The following PGAP1 variants were observed in gnomAD, a reference collection of about 807,000 sequenced individuals.
PGAP1 encodes the protein post-GPI attachment to proteins inositol deacylase 1.
A neutral mutation model predicts 127.0 loss-of-function variants in PGAP1; 76 were observed. That is an observed-to-expected ratio of 0.60 (90% confidence interval 0.50 to 0.72). The LOEUF is 0.72. Among genes scored for constraint, PGAP1 ranks in the 30% least tolerant of loss-of-function variants. PGAP1 has a pLI of 0.00. For missense variants in PGAP1, 982 were observed against 1,071.3 expected (o/e 0.92, Z 1.16); for synonymous variants, 362 against 366.5 (o/e 0.99, Z 0.14).
rs1471747940 is a variant in PGAP1, at chr2:196,834,688, CCACTGCACAGTGGAGGAAGGGAAG to C, written c.*6522_*6545del. ...ACAGTATAAATCGGGAGTTTTTTTT[CCACTGCACAGTGGAGGAAGGGAAG>C]GTTATTTCTACCAGTATTCCAACAA... On this transcript the variant is annotated 3_prime_UTR_variant, in exon 27 of 27. Coordinates refer to ENST00000354764, the MANE Select transcript of PGAP1 (RefSeq NM_024989.4). 1 of 151,140 alleles carries C rather than the reference CCACTGCACAGTGGAGGAAGGGAAG, an allele frequency of 6.6e-6. No individual in the cohort carries two copies. The highest frequency in any genetic ancestry group is 2.4e-5 in the African/African-American group (1 of 41,154). The allele number at this position is 151,140 out of a possible 1,614,324, so 9.4% of individuals were successfully genotyped here. A position where few individuals can be genotyped will look rare whatever the true frequency, so the allele number is the denominator to read the frequency against.
intron 19 of PGAP1, among the ~76,000 whole-genome samples, chr2:196,868,719 T>C (rs146765415): frequency 0.011 from 1,667 of 152,326 alleles, 11 homozygotes; most frequent in Middle Eastern, 0.048. Context: ...TGTGAATATA[T>C]TTTCCTCTTT....
Position 196,844,537 on chromosome 2 carries a change from T to G in PGAP1, c.2324A>C (p.Asn775Thr). ...AATAAAACTTACCACAGGCTGGCTA[T>G]TCTTAAAAGTTGTTAAGCTGGCTTG... ...HLQASLTTFK[N>T]SQPVNPKHSR... Residue 775 changes from asparagine to threonine, a missense_variant, in exon 24 of 27, where the codon AAT (asparagine) becomes ACT (threonine). Physicochemically the swap from Asn to Thr is moderately conservative, Grantham distance 65. Coordinates refer to ENST00000354764, the MANE Select transcript of PGAP1 (RefSeq NM_024989.4). 6.3e-7 allele frequency: 1 copy of G among 1,598,058 alleles called. No homozygotes were observed. Among genetic ancestry groups the G allele is most frequent in the Non-Finnish European group, 8.5e-7 (1 of 1,173,926 alleles).
intron 16 of PGAP1, 128 bp downstream of exon 16, chr2:196,873,400 A>G: frequency 2.9e-6 from 2 of 689,038 alleles, no homozygotes; most frequent in Non-Finnish European, 4.9e-6. Flanking sequence ...ACAACCTGTT[A>G]TAAATTTAAT....
At chr2:196,843,022 T>G (rs1368217898) in intron 25 of PGAP1, among the ~76,000 whole-genome samples, 197 bp from the exon 26 acceptor site, 2 of 152,090 alleles carry the variant, frequency 1.3e-5, no homozygotes, top group African/African-American at 2.4e-5. Context: ...AGAAAGAGAA[T>G]TATGATCAGA....
intron 20 of PGAP1, among the ~76,000 whole-genome samples, chr2:196,849,135 A>T (rs892238930): frequency 6.6e-6 from 1 of 152,196 alleles, no homozygotes; most frequent in Non-Finnish European, 1.5e-5. Context: ...TGTACATTCT[A>T]TATGTCTGAG....
intron 3 of PGAP1, among the ~76,000 whole-genome samples, chr2:196,915,040 C>G (rs1702959582): frequency 6.6e-6 from 1 of 152,050 alleles, no homozygotes; most frequent in Non-Finnish European, 1.5e-5. Flanking sequence ...CTACAATGGT[C>G]AATTATTAAT....
rs574130230 is a variant in PGAP1 at position 196,869,025 on chromosome 2, T to G, written c.1767+1916A>C. On this transcript the variant is annotated intron_variant, in intron 19 of 26. Coordinates refer to ENST00000354764, the MANE Select transcript of PGAP1 (RefSeq NM_024989.4). ...GAACTAAGCTTAAGCTTCAATAATA[T>G]AAATTCTTTAATTGACATTTTAAAA... 2.0e-5 allele frequency among the ~76,000 whole-genome samples: 3 copies of G among 152,312 alleles called. No individual in the cohort carries two copies. The East Asian group carries it at 5.8e-4, about 29-fold the overall frequency.
chr2:196,841,158 C>T lies in PGAP1; in HGVS notation c.*76G>A, dbSNP rs1559325820. 4 of 1,381,658 alleles carry T rather than the reference C, an allele frequency of 2.9e-6. No homozygotes were observed. Among genetic ancestry groups the T allele is most frequent in the East Asian group, 4.9e-5 (2 of 40,678 alleles). The allele number at this position is 1,381,658 out of a possible 1,614,324, so 85.6% of individuals were successfully genotyped here. On this transcript the variant is annotated 3_prime_UTR_variant, in exon 27 of 27. Coordinates refer to ENST00000354764, the MANE Select transcript of PGAP1 (RefSeq NM_024989.4). ...TCTCCAAAGGATCTTGCTGTCCATACTGATGGATCTGTGTGTTCCCTCTTA... is the reference window on the plus strand; with the variant it reads ...TCTCCAAAGGATCTTGCTGTCCATATTGATGGATCTGTGTGTTCCCTCTTA...
chr2:196,845,947 T>C lies in PGAP1; in HGVS notation c.2221A>G (p.Ile741Val), dbSNP rs1438806924. The change falls in exon 23 of 27, where the codon ATA becomes GTA. Residue 741 changes from isoleucine to valine, a missense_variant. Coordinates refer to ENST00000354764, the MANE Select transcript of PGAP1 (RefSeq NM_024989.4). ...GCTCCACAAGTTGTCCAACTAACTA[T>C]GATCAAGACAATTGTCAAAAAGGGC... ...DLPFLTIVLI[I>V]VSWTTCGALA... The C allele has an allele frequency of 2.5e-6, 4 of 1,608,930 alleles. No individual in the cohort carries two copies. The highest frequency in any genetic ancestry group is 1.3e-5 in the African/African-American group (1 of 74,950).
chr2:196,906,499 G>GA lies in PGAP1; in HGVS notation c.650-3758dup, dbSNP rs1030630807. Among the ~76,000 whole-genome samples, 15 of 34,944 alleles carry GA rather than the reference G, an allele frequency of 4.3e-4. 2 individuals carry two copies. Among genetic ancestry groups the GA allele is most frequent in the African/African-American group, 9.4e-4 (15 of 15,962 alleles). The allele number at this position is 34,944 out of a possible 152,430, so 22.9% of individuals were successfully genotyped here. ...AAGTAGATAAAGCCACAAAGATGGG[G>GA]AAAAAACAGAACAGAAAAACTGGAA... On this transcript the variant is annotated intron_variant, in intron 4 of 26. Transcript: ENST00000354764.
In PGAP1 at chr2:196,913,072, A is replaced by C; in HGVS notation, c.478-19T>G. On this transcript the variant is annotated intron_variant, in intron 3 of 26. Transcript: ENST00000354764. ...CTTGACCCTATTAAAATAAATCACC[A>C]GGTCATAATTGCGGCTTTGTATCAT... The C allele has an allele frequency of 6.3e-7, 1 of 1,575,232 alleles. No homozygotes were observed. The highest frequency in any genetic ancestry group is 8.6e-7 in the Non-Finnish European group (1 of 1,158,722).
At chr2:196,899,836 C>T (rs1174776226) in intron 5 of PGAP1, among the ~76,000 whole-genome samples, 3 of 152,148 alleles carry the variant, frequency 2.0e-5, no homozygotes, top group Admixed American at 2.0e-4. Context: ...GAGTTGGAGA[C>T]CAGCCTGGCT....
intron 13 of PGAP1, among the ~76,000 whole-genome samples, chr2:196,877,993 T>C (rs1455926135): frequency 6.6e-6 from 1 of 152,136 alleles, no homozygotes; most frequent in Non-Finnish European, 1.5e-5. Context: ...TGGGGGACTC[T>C]GGAAAAGGGA....
Position 196,848,023 on chromosome 2 carries a change from A to G in PGAP1, c.1876T>C (p.Tyr626His), listed in dbSNP as rs150893861. 5.0e-4 allele frequency: 806 copies of G among 1,598,978 alleles called. No individual in the cohort carries two copies. The highest frequency in any genetic ancestry group is 4.2e-4 in the Non-Finnish European group (494 of 1,174,770). Residue 626 changes from tyrosine (Y) to histidine (H), a missense_variant, in exon 21 of 27, where the codon TAT becomes CAT. Tyr to His is a moderately conservative substitution (Grantham distance 83). Coordinates refer to ENST00000354764, the MANE Select transcript of PGAP1 (RefSeq NM_024989.4). ...SLFSTGCCLE[Y>H]ATMLDKEAKP... ...GCTTCTTTATCCAACATGGTAGCAT[A>G]TTCTAAGCAACAACCTGGTGATTTA...
chr2:196,846,382 T>C (rs769051983), intron 22 of PGAP1, among the ~76,000 whole-genome samples: 2 of 152,166 alleles, frequency 1.3e-5, no homozygotes, highest in Admixed American at 6.5e-5. Flanking sequence ...AGACCCTTGA[T>C]GGTGTTACTA....
At chr2:196,915,163 T>C (rs1419151433) in intron 3 of PGAP1, among the ~76,000 whole-genome samples, 1 of 152,232 alleles carries the variant, frequency 6.6e-6, no homozygotes, top group Non-Finnish European at 1.5e-5. Flanking sequence ...GGTTCTCCCT[T>C]TGCCTCACTG....
intron 7 of PGAP1, 136 bp from the exon 8 acceptor site, chr2:196,893,381 A>G: frequency 2.5e-6 from 1 of 398,538 alleles, no homozygotes; most frequent in Non-Finnish European, 4.5e-6. Flanking sequence ...CTGTACATAA[A>G]CTCACTCAAT....
Position 196,841,124 on chromosome 2 carries a change from G to A in PGAP1, c.*110C>T. 1 of 1,120,806 alleles carries A rather than the reference G, an allele frequency of 8.9e-7. No individual in the cohort carries two copies. The highest frequency in any genetic ancestry group is 2.0e-5 in the South Asian group (1 of 50,246). 69.4% of individuals were successfully genotyped at this position (1,120,806 alleles called of 1,614,324 possible). A position where few individuals can be genotyped will look rare whatever the true frequency, so the allele number is the denominator to read the frequency against. On this transcript the variant is annotated 3_prime_UTR_variant, in exon 27 of 27. Transcript: ENST00000354764. ...TCCTATTTTCAATATTGTAAAAATA[G>A]ACTTGTCTTCTCCAAAGGATCTTGC...
chr2:196,841,593 CT>C (rs1296350803), intron 26 of PGAP1, among the ~76,000 whole-genome samples: 1 of 152,214 alleles, frequency 6.6e-6, no homozygotes, highest in Non-Finnish European at 1.5e-5. Flanking sequence ...TCTCGGCTCA[CT>C]GCAAGCTCCG....
Sources: allele counts gnomAD v4.1 joint callset (sites outside exome capture counted in the v4.1 genomes callset), GRCh38; gene constraint gnomAD v4.1.1; transcripts MANE v1.5; gene names NCBI Gene and HGNC (gene_info 2026-07-23, HGNC 2026-07-21).